Variants in NUP93 observed in about 807,000 individuals in gnomAD.
NUP93 encodes the protein nuclear pore complex protein Nup93.
In NUP93, 55 loss-of-function variants were observed where a neutral mutation model predicts 107.8. The observed-to-expected ratio is 0.51, with a 90% confidence interval of 0.41 to 0.64. The LOEUF is 0.64. Among genes scored for constraint, NUP93 ranks in the 30% least tolerant of loss-of-function variants. The pLI is 0.00. For missense variants in NUP93, 937 were observed against 1,044.7 expected (o/e 0.90, Z 1.42); for synonymous variants, 390 against 397.5 (o/e 0.98, Z 0.22).
intron 7 of NUP93, among the ~76,000 whole-genome samples, chr16:56,822,564 C>CTTTTCTT (rs112699214): frequency 7.9e-6 from 1 of 126,958 alleles, no homozygotes; most frequent in Non-Finnish European, 1.6e-5. Context: ...CTTTTCTTTT[C>CTTTTCTT]TTTTTTTTTT....
At chr16:56,825,770 T>C (rs1320766240) in intron 8 of NUP93, among the ~76,000 whole-genome samples, 1 of 152,228 alleles carries the variant, frequency 6.6e-6, no homozygotes, top group East Asian at 1.9e-4. Context: ...ATAATTGTAA[T>C]CTTAAGTTTA....
intron 1 of NUP93, among the ~76,000 whole-genome samples, chr16:56,733,177 G>A (rs1265588614): frequency 3.3e-5 from 5 of 152,306 alleles, no homozygotes; most frequent in East Asian, 1.9e-4. Flanking sequence ...GGAAGGCAGC[G>A]AGGGATGAGG....
chr16:56,783,905 A>G (rs900714511), intron 3 of NUP93: 27 of 985,236 alleles, frequency 2.7e-5, no homozygotes, highest in Non-Finnish European at 3.1e-5. Context: ...TAGCAGGGAG[A>G]GGTTGAAAAT....
chr16:56,758,416 C>A, intron 2 of NUP93, 122 bp from the exon 3 acceptor site: 1 of 728,124 alleles, frequency 1.4e-6, no homozygotes, highest in Non-Finnish European at 2.5e-6. Flanking sequence ...AGTGTCTGGA[C>A]AGTATATAGG....
At chr16:56,741,113 T>C (rs980985838) in intron 1 of NUP93, among the ~76,000 whole-genome samples, 1 of 152,218 alleles carries the variant, frequency 6.6e-6, no homozygotes, top group African/African-American at 2.4e-5. Flanking sequence ...TAGTGGGCAA[T>C]ACAACATACA....
At chr16:56,791,633 G>T (rs922141888) in intron 3 of NUP93, among the ~76,000 whole-genome samples, 1 of 152,212 alleles carries the variant, frequency 6.6e-6, no homozygotes, top group Non-Finnish European at 1.5e-5. Context: ...GCAGTTTCAT[G>T]CCTTTCTTGA....
intron 2 of NUP93, among the ~76,000 whole-genome samples, chr16:56,757,546 C>T (rs1476481704): frequency 6.6e-6 from 1 of 152,126 alleles, no homozygotes; most frequent in African/African-American, 2.4e-5. Context: ...TTCTTTTTTA[C>T]AGAGAGTGTT....
chr16:56,837,164 T>C (rs1963927474), intron 17 of NUP93, among the ~76,000 whole-genome samples: 1 of 152,258 alleles, frequency 6.6e-6, no homozygotes, highest in East Asian at 1.9e-4. Flanking sequence ...TACATGTTTC[T>C]ACCGAAGAAC....
chr16:56,840,510 T>G (rs1964002594), intron 20 of NUP93, among the ~76,000 whole-genome samples: 1 of 152,142 alleles, frequency 6.6e-6, no homozygotes, highest in Non-Finnish European at 1.5e-5. Context: ...AGAGATTCTG[T>G]TTTCCCTGAT....
chr16:56,750,777 ACT>A (rs1961904249), intron 2 of NUP93, among the ~76,000 whole-genome samples: 1 of 152,194 alleles, frequency 6.6e-6, no homozygotes, highest in Admixed American at 6.5e-5. Context: ...TGAAATGTTT[ACT>A]ATCTGCTGTT....
At chr16:56,817,692 G>A (rs1162367684) in intron 5 of NUP93, among the ~76,000 whole-genome samples, 1 of 152,182 alleles carries the variant, frequency 6.6e-6, no homozygotes, top group African/African-American at 2.4e-5. Flanking sequence ...CATTGCATAT[G>A]TGATGGTGGC....
intron 8 of NUP93, among the ~76,000 whole-genome samples, chr16:56,824,207 T>G (rs1030591503): frequency 1.1e-4 from 16 of 152,218 alleles, no homozygotes; most frequent in African/African-American, 3.6e-4. Flanking sequence ...CTCTCCACAT[T>G]TTAATTTTAC....
chr16:56,824,888 AG>A (rs1246056639), intron 8 of NUP93, among the ~76,000 whole-genome samples: 1 of 152,246 alleles, frequency 6.6e-6, no homozygotes, highest in Admixed American at 6.5e-5. Flanking sequence ...CTCCTAGTAT[AG>A]GAATAAAGGG....
At chr16:56,805,329 T>G in intron 4 of NUP93, 175 bp from the exon 5 acceptor site, 1 of 672,708 alleles carries the variant, frequency 1.5e-6, no homozygotes, top group Non-Finnish European at 2.4e-6. Context: ...ATTACAGGTG[T>G]AAACCACCAC....
At chr16:56,779,682 T>C (rs1337761957) in intron 3 of NUP93, among the ~76,000 whole-genome samples, 2 of 152,178 alleles carry the variant, frequency 1.3e-5, no homozygotes, top group Non-Finnish European at 2.9e-5. Flanking sequence ...TCTAGTTTCC[T>C]TGGGATACTC....
chr16:56,790,919 G>T (rs1391436878), intron 3 of NUP93, among the ~76,000 whole-genome samples: 1 of 152,024 alleles, frequency 6.6e-6, no homozygotes, highest in Non-Finnish European at 1.5e-5. Flanking sequence ...TCTAGCTGTT[G>T]CTTGTGTCTT....
intron 12 of NUP93, 69 bp from the exon 13 acceptor site, chr16:56,833,123 TGGGCTCACAGGGCTGCTGCCTGG>T: frequency 2.8e-6 from 3 of 1,086,002 alleles, no homozygotes; most frequent in Non-Finnish European, 4.0e-6. Context: ...GCAAGTCCTG[TGGGCTCACAGGGCTGCTGCCTGG>T]GGGTTGGGCC....
At chr16:56,786,413 G>C (rs773378829) in intron 3 of NUP93, among the ~76,000 whole-genome samples, 1 of 152,210 alleles carries the variant, frequency 6.6e-6, no homozygotes, top group African/African-American at 2.4e-5. Context: ...GCTGCACTGT[G>C]TCTCTGTCTG....
At chr16:56,746,810 T>C (rs1961827498) in intron 1 of NUP93, among the ~76,000 whole-genome samples, 1 of 152,212 alleles carries the variant, frequency 6.6e-6, no homozygotes, top group Non-Finnish European at 1.5e-5. Context: ...CTTGGGAGAC[T>C]GAGGCATGAG....
Sources: gnomAD v4.1 joint callset for allele counts (sites outside exome capture counted in the v4.1 genomes callset) on GRCh38, gnomAD v4.1.1 for gene constraint, MANE v1.5 for transcripts, NCBI Gene and HGNC (gene_info 2026-07-23, HGNC 2026-07-21) for gene names.